Variants in PPP2R5E observed in about 807,000 individuals in gnomAD.
PPP2R5E encodes serine/threonine-protein phosphatase 2A 56 kDa regulatory subunit epsilon isoform.
PPP2R5E carries 4 observed loss-of-function variants against 65.3 expected under a neutral mutation model. The ratio of observed to expected loss-of-function variants is 0.06; its 90% CI spans 0.03 to 0.14. The LOEUF is 0.14. Among genes scored for constraint, PPP2R5E ranks in the 10% least tolerant of loss-of-function variants. The probability of loss-of-function intolerance (pLI) is 1.00; values close to 1 mark genes in which losing one functional copy is unlikely to be tolerated. For synonymous variants in PPP2R5E, 183 were observed against 187.4 expected (o/e 0.98, Z 0.19); for missense variants, 274 against 556.1 (o/e 0.49, Z 5.10).
chr14:63,481,219 G>A (rs770957991), intron 2 of PPP2R5E, among the ~76,000 whole-genome samples: 5 of 152,056 alleles, frequency 3.3e-5, no homozygotes, highest in Non-Finnish European at 7.4e-5. Flanking sequence ...AGAATTGGCC[G>A]GGTGTGGTGG....
At chr14:63,377,231 G>A (rs1359168853) in intron 13 of PPP2R5E, among the ~76,000 whole-genome samples, 1 of 151,980 alleles carries the variant, frequency 6.6e-6, no homozygotes, top group Non-Finnish European at 1.5e-5. Flanking sequence ...GAAAATGGGG[G>A]CTCCACCATC....
intron 3 of PPP2R5E, among the ~76,000 whole-genome samples, chr14:63,433,322 G>A (rs1260864697): frequency 1.3e-5 from 2 of 152,096 alleles, no homozygotes; most frequent in African/African-American, 4.8e-5. Flanking sequence ...ACAGGAGTGA[G>A]CCACTGTCTA....
intron 5 of PPP2R5E, among the ~76,000 whole-genome samples, chr14:63,412,925 A>G (rs148274863): frequency 1.3e-5 from 2 of 152,310 alleles, no homozygotes; most frequent in African/African-American, 2.4e-5. Context: ...AAGACCTGAA[A>G]GGTTATGTCT....
chr14:63,468,812 T>TA (rs1438968679), intron 2 of PPP2R5E, among the ~76,000 whole-genome samples: 2 of 152,214 alleles, frequency 1.3e-5, no homozygotes, highest in Admixed American at 6.5e-5. Context: ...AACTTACACT[T>TA]AGAGTTCTTT....
chr14:63,381,549 G>GAC (rs10668196), intron 13 of PPP2R5E, among the ~76,000 whole-genome samples: 152,338 of 152,338 alleles, frequency 1, 76,169 homozygotes, highest in Non-Finnish European at 1. Flanking sequence ...TTATCAAAAT[G>GAC]AGTGTCAGGA....
intron 3 of PPP2R5E, among the ~76,000 whole-genome samples, chr14:63,433,152 C>T (rs1173645703): frequency 6.6e-6 from 1 of 151,560 alleles, no homozygotes; most frequent in Non-Finnish European, 1.5e-5. Flanking sequence ...ATCCTCCCAC[C>T]TCAGCCCCGC....
intron 2 of PPP2R5E, among the ~76,000 whole-genome samples, chr14:63,495,527 G>C (rs1891513261): frequency 1.3e-5 from 2 of 151,814 alleles, no homozygotes; most frequent in Admixed American, 6.6e-5. Flanking sequence ...GTTGCAGTGA[G>C]CTGAAATTGT....
intron 3 of PPP2R5E, among the ~76,000 whole-genome samples, chr14:63,433,672 A>C (rs1887809782): frequency 6.6e-6 from 1 of 152,186 alleles, no homozygotes; most frequent in Non-Finnish European, 1.5e-5. Context: ...TAGCCTCTCC[A>C]GAGAGTAAAG....
chr14:63,526,003 C>A (rs575302612), intron 2 of PPP2R5E, among the ~76,000 whole-genome samples: 1 of 152,054 alleles, frequency 6.6e-6, no homozygotes, highest in East Asian at 1.9e-4. Context: ...ATTACAGGCA[C>A]CTACCACCAC....
At chr14:63,517,355 T>C (rs1304159525) in intron 2 of PPP2R5E, among the ~76,000 whole-genome samples, 1 of 152,228 alleles carries the variant, frequency 6.6e-6, no homozygotes, top group East Asian at 1.9e-4. Flanking sequence ...ATATTAAATA[T>C]AGATTTGGGC....
At chr14:63,492,056 A>G (rs1006907926) in intron 2 of PPP2R5E, among the ~76,000 whole-genome samples, 1 of 152,076 alleles carries the variant, frequency 6.6e-6, no homozygotes, top group Admixed American at 6.5e-5. Flanking sequence ...AGGCCCTGGA[A>G]GAGCCCAGAA....
At chr14:63,466,440 G>A (rs954806378) in intron 2 of PPP2R5E, among the ~76,000 whole-genome samples, 6 of 152,134 alleles carry the variant, frequency 3.9e-5, no homozygotes, top group Admixed American at 3.9e-4. Flanking sequence ...GTAATAAAGA[G>A]TGTAAATTTA....
In PPP2R5E at chr14:63,374,244, CT is replaced by C. The variant is rs1436801782; in HGVS notation, c.*1764del. 2 of 151,274 alleles carry C rather than the reference CT, an allele frequency of 1.3e-5. No individual in the cohort carries two copies. Among genetic ancestry groups the C allele is most frequent in the Non-Finnish European group, 2.9e-5 (2 of 67,976 alleles). 9.4% of individuals were successfully genotyped at this position (151,274 alleles called of 1,614,324 possible). A position where few individuals can be genotyped will look rare whatever the true frequency, so the allele number is the denominator to read the frequency against. ...GGAGAAAGGTCAGCAGCTTCTCTTT[CT>C]TTTTCTTGAAAATAATAAAACTGCG... On this transcript the variant is annotated 3_prime_UTR_variant, in exon 14 of 14. Coordinates refer to ENST00000337537, the MANE Select transcript of PPP2R5E (RefSeq NM_006246.5).
intron 2 of PPP2R5E, among the ~76,000 whole-genome samples, chr14:63,527,100 T>C (rs1362592965): frequency 6.6e-6 from 1 of 151,642 alleles, no homozygotes; most frequent in Non-Finnish European, 1.5e-5. Flanking sequence ...ACCCAGGAGG[T>C]GGGGGTTGCA....
In PPP2R5E at chr14:63,488,915, T is replaced by C. The variant is rs919842713; in HGVS notation, c.158-35030A>G. Reference sequence around the variant, plus strand: ...AATTTAAAAATTCCCAAAAAGACTTTCATGAAAGCTATCATGGAACTGTGT... The same window carrying C: ...AATTTAAAAATTCCCAAAAAGACTTCCATGAAAGCTATCATGGAACTGTGT... On this transcript the variant is annotated intron_variant, in intron 2 of 13. Transcript: ENST00000337537. Among the ~76,000 whole-genome samples the C allele has an allele frequency of 2.5e-4, 38 of 151,738 alleles. 1 individual carries two copies. The highest frequency in any genetic ancestry group is 8.3e-4 in the South Asian group (4 of 4,820).
intron 2 of PPP2R5E, among the ~76,000 whole-genome samples, chr14:63,511,595 A>C (rs570753060): frequency 1.3e-5 from 2 of 152,200 alleles, no homozygotes; most frequent in African/African-American, 4.8e-5. Flanking sequence ...TTATCCCCCA[A>C]ATCGAATGCA....
rs1001885829 is a variant in PPP2R5E, at chr14:63,499,595, T to C, written c.157+39934A>G. ...AAAAATTAGCCAGGCGTGGTGGCAC[T>C]GCGTGCCTGTAATCACGGCTACTCG... On this transcript the variant is annotated intron_variant, in intron 2 of 13. Coordinates refer to ENST00000337537, the MANE Select transcript of PPP2R5E (RefSeq NM_006246.5). Among the ~76,000 whole-genome samples the C allele has an allele frequency of 2.0e-5, 3 of 152,090 alleles. No individual in the cohort carries two copies. The South Asian group carries it at 6.2e-4, about 32-fold the overall frequency.
At chr14:63,449,633 G>A (rs1227690794) in intron 3 of PPP2R5E, among the ~76,000 whole-genome samples, 1 of 152,026 alleles carries the variant, frequency 6.6e-6, no homozygotes, top group African/African-American at 2.4e-5. Context: ...GTATGGTGTT[G>A]AGTACCCTGA....
intron 5 of PPP2R5E, among the ~76,000 whole-genome samples, chr14:63,399,366 C>CTTTT (rs397814218): frequency 0.057 from 2,760 of 48,786 alleles, 267 homozygotes; most frequent in Non-Finnish European, 0.077. Flanking sequence ...GGATTTCTTT[C>CTTTT]TTTTTTTTTT....
Sources: gnomAD v4.1 joint callset for allele counts (sites outside exome capture counted in the v4.1 genomes callset) on GRCh38, gnomAD v4.1.1 for gene constraint, MANE v1.5 for transcripts, NCBI Gene and HGNC (gene_info 2026-07-23, HGNC 2026-07-21) for gene names.